The following DPY19L1 variants were observed in gnomAD, a reference collection of about 807,000 sequenced individuals.
The protein encoded by DPY19L1 is protein C-mannosyl-transferase DPY19L1.
In DPY19L1, 35 loss-of-function variants were observed where a neutral mutation model predicts 96.9. The ratio of observed to expected loss-of-function variants is 0.36; its 90% CI spans 0.28 to 0.48. The LOEUF (loss-of-function observed/expected upper bound fraction) is 0.48. Among genes scored for constraint, DPY19L1 ranks in the 20% least tolerant of loss-of-function variants. DPY19L1 has a pLI of 0.99. For missense variants in DPY19L1, 521 were observed against 777.9 expected (o/e 0.67, Z 3.93); for synonymous variants, 205 against 252.6 (o/e 0.81, Z 1.79).
intron 14 of DPY19L1, among the ~76,000 whole-genome samples, chr7:34,948,698 T>G (rs770998734): frequency 3.3e-5 from 5 of 152,288 alleles, no homozygotes; most frequent in South Asian, 2.1e-4. Context: ...TCTCTAATAT[T>G]TGAAGGAGTC....
intron 8 of DPY19L1, among the ~76,000 whole-genome samples, chr7:34,971,433 A>G (rs1335610781): frequency 6.6e-6 from 1 of 152,182 alleles, no homozygotes; most frequent in African/African-American, 2.4e-5. Flanking sequence ...AAGGGGCATA[A>G]CCAGGAAAGC....
At chr7:35,029,702 G>A (rs1786215330) in intron 1 of DPY19L1, among the ~76,000 whole-genome samples, 1 of 152,090 alleles carries the variant, frequency 6.6e-6, no homozygotes, top group Non-Finnish European at 1.5e-5. Context: ...AAACCCCAGA[G>A]ACTGACAGGT....
intron 6 of DPY19L1, among the ~76,000 whole-genome samples, chr7:35,004,267 A>G (rs980777900): frequency 2.0e-5 from 3 of 152,232 alleles, no homozygotes; most frequent in African/African-American, 7.2e-5. Flanking sequence ...GGGAACCTAA[A>G]GACCATGACT....
At chr7:34,979,011 T>C (rs527488422) in intron 7 of DPY19L1, among the ~76,000 whole-genome samples, 47 of 152,280 alleles carry the variant, frequency 3.1e-4, no homozygotes, top group African/African-American at 9.4e-4. Context: ...GTCAGTGATA[T>C]GTAAATGCTA....
intron 12 of DPY19L1, 137 bp from the exon 13 acceptor site, chr7:34,954,915 C>T: frequency 4.3e-6 from 2 of 461,418 alleles, no homozygotes; most frequent in Admixed American, 4.1e-5. Context: ...AAATGCATCT[C>T]AATTTAAAAT....
At chr7:34,962,505 ATAC>A (rs1377731713) in intron 10 of DPY19L1, among the ~76,000 whole-genome samples, 1 of 152,164 alleles carries the variant, frequency 6.6e-6, no homozygotes. Flanking sequence ...GTTCTACAAG[ATAC>A]TACATGGTTG....
At chr7:35,003,807 A>C (rs1584249682) in intron 6 of DPY19L1, among the ~76,000 whole-genome samples, 1 of 152,222 alleles carries the variant, frequency 6.6e-6, no homozygotes, top group African/African-American at 2.4e-5. Flanking sequence ...TTCACACACC[A>C]GGCTTGGTGC....
At chr7:34,958,665 T>C (rs1206399099) in intron 10 of DPY19L1, among the ~76,000 whole-genome samples, 5 of 152,214 alleles carry the variant, frequency 3.3e-5, no homozygotes, top group Non-Finnish European at 5.9e-5. Flanking sequence ...AATACAAATA[T>C]TGACAAATTG....
At chr7:35,000,623 C>G (rs1785402702) in intron 6 of DPY19L1, 2 of 152,186 alleles carry the variant, frequency 1.3e-5, no homozygotes, top group African/African-American at 4.8e-5. Flanking sequence ...AAAGAGTAAA[C>G]TTCCACCTAT....
intron 14 of DPY19L1, among the ~76,000 whole-genome samples, chr7:34,948,080 AACACAC>A (rs76586610): frequency 6.6e-6 from 1 of 151,668 alleles, no homozygotes; most frequent in Non-Finnish European, 1.5e-5. Context: ...TTATCCTTGA[AACACAC>A]ACACACACAC....
chr7:34,940,169 T>C lies in DPY19L1; in HGVS notation c.1848A>G (p.Lys616=). 6.4e-7 allele frequency: 1 copy of C among 1,570,168 alleles called. No homozygotes were observed. The highest frequency in any genetic ancestry group is 8.6e-7 in the Non-Finnish European group (1 of 1,159,720). The change falls in exon 19 of 22, where the codon AAA becomes AAG. Residue 616 remains lysine (K), a synonymous_variant. Transcript: ENST00000638088. The part of the protein sequence containing the change: ...LPQEELIEWI[K]YSTKPDAVFA... ...TTTTTTTACCTGGTTTAGTACTATA[T>C]TTGATCCATTCTATAAGTTCTTCTT...
rs116714147 is a variant in DPY19L1, at chr7:34,939,107, G to C, written c.1964+169C>G. 392 of 528,464 alleles carry C rather than the reference G, an allele frequency of 7.4e-4. 5 individuals carry two copies. Among genetic ancestry groups the C allele is most frequent in the African/African-American group, 6.8e-3 (350 of 51,216 alleles). The allele number at this position is 528,464 out of a possible 1,614,324, so 32.7% of individuals were successfully genotyped here. A position where few individuals can be genotyped will look rare whatever the true frequency, so the allele number is the denominator to read the frequency against. ...CTTTCCTGCCCTGTGAAGCTTTAAC[G>C]GATTTGTTTAGAGCTTAGCGGTCTT... On this transcript the variant is annotated intron_variant, in intron 20 of 21. Transcript: ENST00000638088.
chr7:35,020,098 A>T (rs891600930), intron 1 of DPY19L1, among the ~76,000 whole-genome samples: 2 of 152,108 alleles, frequency 1.3e-5, no homozygotes, highest in Middle Eastern at 3.2e-3. Flanking sequence ...ACACCACTGT[A>T]CTCTAGCCTG....
chr7:34,942,359 T>C (rs1784039831), intron 17 of DPY19L1, among the ~76,000 whole-genome samples: 1 of 152,140 alleles, frequency 6.6e-6, no homozygotes, highest in African/African-American at 2.4e-5. Context: ...CTCATACATA[T>C]GTCTAAATGG....
At chr7:35,035,569 G>A (rs576387530) in intron 1 of DPY19L1, among the ~76,000 whole-genome samples, 1 of 152,302 alleles carries the variant, frequency 6.6e-6, no homozygotes, top group African/African-American at 2.4e-5. Flanking sequence ...ACTCCATTCT[G>A]TCATCAGATC....
At chr7:34,949,013 G>A (rs991147546) in intron 14 of DPY19L1, among the ~76,000 whole-genome samples, 2 of 152,168 alleles carry the variant, frequency 1.3e-5, no homozygotes, top group African/African-American at 4.8e-5. Flanking sequence ...TGTCAATAGA[G>A]TATTGTTGGC....
intron 7 of DPY19L1, among the ~76,000 whole-genome samples, chr7:34,982,716 G>C (rs1265351133): frequency 5.3e-5 from 8 of 152,138 alleles, no homozygotes; most frequent in African/African-American, 1.4e-4. Context: ...ATAAGAATCT[G>C]AAAAAGGTAC....
chr7:34,955,501 T>C lies in DPY19L1; in HGVS notation c.1180-134A>G, dbSNP rs575779832. On this transcript the variant is annotated intron_variant, in intron 11 of 21. Transcript: ENST00000638088. ...CACATGGTTGACTTTCCACATACCATCCACATGCTCATTTCTAGAGTCAGT... is the reference window on the plus strand; with the variant it reads ...CACATGGTTGACTTTCCACATACCACCCACATGCTCATTTCTAGAGTCAGT... The C allele has an allele frequency of 2.7e-5, 30 of 1,117,650 alleles. 1 individual carries two copies. The South Asian group carries it at 4.3e-4, about 16-fold the overall frequency. The allele number at this position is 1,117,650 out of a possible 1,614,324, so 69.2% of individuals were successfully genotyped here.
intron 7 of DPY19L1, among the ~76,000 whole-genome samples, chr7:34,979,042 A>G (rs1784886291): frequency 6.6e-6 from 1 of 152,148 alleles, no homozygotes; most frequent in South Asian, 2.1e-4. Context: ...TACTATCTTT[A>G]TAAAGAATTT....
Sources: gnomAD v4.1 joint callset for allele counts (sites outside exome capture counted in the v4.1 genomes callset) on GRCh38, gnomAD v4.1.1 for gene constraint, MANE v1.5 for transcripts, NCBI Gene and HGNC (gene_info 2026-07-23, HGNC 2026-07-21) for gene names.